Variants in ANXA10 observed in about 807,000 individuals in gnomAD.
The protein encoded by ANXA10 is annexin A10.
A neutral mutation model predicts 53.5 loss-of-function variants in ANXA10; 49 were observed. The observed-to-expected ratio is 0.92, with a 90% CI of 0.73 to 1.16. The LOEUF is 1.16. Among genes scored for constraint, ANXA10 ranks in the 50% most tolerant of loss-of-function variants. ANXA10 has a pLI of 0.00. For synonymous variants in ANXA10, 131 were observed against 128.9 expected (o/e 1.02, Z -0.11); for missense variants, 393 against 394.4 (o/e 1.00, Z 0.03).
chr4:168,140,126 G>T (rs1731302587), intron 3 of ANXA10, among the ~76,000 whole-genome samples: 1 of 152,272 alleles, frequency 6.6e-6, no homozygotes. Context: ...ACTATCCATA[G>T]TGTTTTAAAG....
intron 1 of ANXA10, among the ~76,000 whole-genome samples, chr4:168,112,687 A>G (rs185394881): frequency 2.0e-5 from 3 of 152,160 alleles, no homozygotes; most frequent in Non-Finnish European, 1.5e-5. Context: ...GGGTTTCAAT[A>G]TAGGCTCCAT....
rs1260545004 is a variant in ANXA10 at position 168,155,765 on chromosome 4, TGA to T, written c.196-6762_196-6761del. Among the ~76,000 whole-genome samples, 119 of 17,260 alleles carry T rather than the reference TGA, an allele frequency of 6.9e-3. 12 individuals carry two copies. Among genetic ancestry groups the T allele is most frequent in the Non-Finnish European group, 9.3e-3 (107 of 11,482 alleles). 11.3% of individuals were successfully genotyped at this position (17,260 alleles called of 152,430 possible). ...CATATATTATATATTATATAATATA[TGA>T]TATATCATATATTATATATTATATA... is the stretch of plus-strand genomic sequence containing the variant. On this transcript the variant is annotated intron_variant, in intron 3 of 11. Transcript: ENST00000359299.
Position 168,184,666 on chromosome 4 carries a change from A to G in ANXA10, c.891A>G (p.Leu297=). Residue 297 remains leucine, a synonymous_variant, in exon 11 of 12, where the codon CTA becomes CTG. Coordinates refer to ENST00000359299, the MANE Select transcript of ANXA10 (RefSeq NM_007193.5). ...KRYKERYGKS[L]FHDIRNFASG... ...ACAAAGAGCGATATGGAAAATCCCT[A>G]TTTCATGATATCAGAGTAAGTTTCC... The G allele has an allele frequency of 3.1e-6, 5 of 1,613,926 alleles. No homozygotes were observed. Among genetic ancestry groups the G allele is most frequent in the African/African-American group, 1.3e-5 (1 of 75,030 alleles).
chr4:168,128,578 C>A (rs1450925972), intron 2 of ANXA10, among the ~76,000 whole-genome samples: 1 of 152,136 alleles, frequency 6.6e-6, no homozygotes, highest in African/African-American at 2.4e-5. Context: ...AATGACTCTG[C>A]TTTTCACATC....
rs1442909732 is a variant in ANXA10, at chr4:168,139,527, T to G, written c.142T>G (p.Cys48Gly). The change falls in exon 3 of 12, where the codon TGC becomes GGC. Residue 48 changes from cysteine (C) to glycine (G), a missense_variant. Physicochemically the swap from Cys to Gly is radical, Grantham distance 159. Transcript: ENST00000359299. ...GCTGATCAACATTCTGACTCAGCGC[T>G]GCAATGCACAAAGGATGATGATTGC... ...DMLINILTQRCNAQRMMIAEA... is the reference protein window; with the variant it reads ...DMLINILTQRGNAQRMMIAEA... 1 of 1,613,174 alleles carries G rather than the reference T, an allele frequency of 6.2e-7. No homozygotes were observed. The highest frequency in any genetic ancestry group is 1.7e-5 in the Admixed American group (1 of 59,970).
chr4:168,093,732 T>C (rs1560955255), intron 1 of ANXA10, among the ~76,000 whole-genome samples: 1 of 152,178 alleles, frequency 6.6e-6, no homozygotes, highest in Non-Finnish European at 1.5e-5. Context: ...ATAACATAAT[T>C]ATTTTGTTAA....
At chr4:168,133,726 C>A (rs1731191570) in intron 2 of ANXA10, among the ~76,000 whole-genome samples, 1 of 152,062 alleles carries the variant, frequency 6.6e-6, no homozygotes, top group Admixed American at 6.6e-5. Flanking sequence ...AGAAACCTAA[C>A]CCTGCATTTT....
rs1439868149 is a variant in ANXA10, at chr4:168,110,963, T to C, written c.19-17121T>C. On this transcript the variant is annotated intron_variant, in intron 1 of 11. Coordinates refer to ENST00000359299, the MANE Select transcript of ANXA10 (RefSeq NM_007193.5). The stretch of plus-strand genomic sequence containing the variant: ...CATTAACATCTCAAGAACATACAGT[T>C]CTCTAGATAATAATATCACTGGTCT... Among the ~76,000 whole-genome samples, 3 of 152,174 alleles carry C rather than the reference T, an allele frequency of 2.0e-5. No individual in the cohort carries two copies. The East Asian group carries it at 5.8e-4, about 29-fold the overall frequency.
chr4:168,119,513 A>T (rs1433394273), intron 1 of ANXA10, among the ~76,000 whole-genome samples: 1 of 152,112 alleles, frequency 6.6e-6, no homozygotes, highest in Non-Finnish European at 1.5e-5. Context: ...GTACAATGGG[A>T]CCATGTTTAT....
At chr4:168,094,052 G>C (rs1354390341) in intron 1 of ANXA10, among the ~76,000 whole-genome samples, 1 of 152,002 alleles carries the variant, frequency 6.6e-6, no homozygotes, top group African/African-American at 2.4e-5. Flanking sequence ...TTCTCTCTCT[G>C]TTCATTTGAG....
At position 168,177,871 on chromosome 4, in the gene ANXA10, C is replaced by T; in HGVS notation, c.535-19C>T. ...CTGGAGTGGTTCTGATGCTACTTCT[C>T]TGCTGGCTAATGTTCCAGGTCCTAT... On this transcript the variant is annotated intron_variant, in intron 7 of 11. Coordinates refer to ENST00000359299, the MANE Select transcript of ANXA10 (RefSeq NM_007193.5). 1.2e-6 allele frequency: 2 copies of T among 1,614,102 alleles called. No homozygotes were observed. The highest frequency in any genetic ancestry group is 1.7e-6 in the Non-Finnish European group (2 of 1,179,982).
In ANXA10 at chr4:168,182,625, G is replaced by A. The variant is rs572628447; in HGVS notation, c.783+884G>A. Among the ~76,000 whole-genome samples, 971 of 148,204 alleles carry A rather than the reference G, an allele frequency of 6.6e-3. 8 individuals carry two copies. The highest frequency in any genetic ancestry group is 0.023 in the African/African-American group (918 of 40,624). Reference sequence around the variant, plus strand: ...CGGGATTACAGGCGTGAGCCACCGCGCCCGGCCTGGAGCGTTCATTTTTTT... The same window carrying A: ...CGGGATTACAGGCGTGAGCCACCGCACCCGGCCTGGAGCGTTCATTTTTTT... On this transcript the variant is annotated intron_variant, in intron 10 of 11. Transcript: ENST00000359299.
intron 1 of ANXA10, among the ~76,000 whole-genome samples, chr4:168,106,617 T>C (rs1307420112): frequency 1.3e-5 from 2 of 151,948 alleles, no homozygotes; most frequent in Non-Finnish European, 2.9e-5. Context: ...AGTAGGGGAG[T>C]TAAAATAATT....
chr4:168,109,238 C>G (rs1427997558), intron 1 of ANXA10, among the ~76,000 whole-genome samples: 1 of 152,156 alleles, frequency 6.6e-6, no homozygotes, highest in Non-Finnish European at 1.5e-5. Context: ...ATGTTTGGTG[C>G]AGAGCAACCC....
intron 9 of ANXA10, among the ~76,000 whole-genome samples, chr4:168,179,598 A>T (rs1314573905): frequency 6.6e-6 from 1 of 152,194 alleles, no homozygotes; most frequent in East Asian, 1.9e-4. Context: ...TTCTCTTTGA[A>T]TTGGCTTCTC....
intron 3 of ANXA10, among the ~76,000 whole-genome samples, chr4:168,141,180 G>T (rs1423463725): frequency 6.6e-6 from 1 of 152,140 alleles, no homozygotes; most frequent in Non-Finnish European, 1.5e-5. Flanking sequence ...CAGTTTTGCT[G>T]AATAATTCAT....
At chr4:168,155,787 T>G (rs374424521) in intron 3 of ANXA10, among the ~76,000 whole-genome samples, 13,201 of 30,094 alleles carry the variant, frequency 0.44, 3,679 homozygotes, top group African/African-American at 0.54. Context: ...TATTATATAT[T>G]ATATATAATA....
intron 3 of ANXA10, among the ~76,000 whole-genome samples, chr4:168,155,808 G>T (rs1417295441): frequency 0.1 from 751 of 7,338 alleles, 80 homozygotes; most frequent in Non-Finnish European, 0.12. Context: ...TATAATATAT[G>T]ATATATTATA....
chr4:168,158,710 G>T (rs1393438923), intron 3 of ANXA10, among the ~76,000 whole-genome samples: 2 of 152,138 alleles, frequency 1.3e-5, no homozygotes, highest in Non-Finnish European at 2.9e-5. Flanking sequence ...CTATCAGTTT[G>T]AGAAAGATTC....
Sources: allele counts gnomAD v4.1 joint callset (sites outside exome capture counted in the v4.1 genomes callset), GRCh38; gene constraint gnomAD v4.1.1; transcripts MANE v1.5; gene names NCBI Gene and HGNC (gene_info 2026-07-23, HGNC 2026-07-21).